The following PLEKHM2 variants were observed in gnomAD, a reference collection of about 807,000 sequenced individuals.
PLEKHM2 encodes the protein pleckstrin homology domain-containing family M member 2.
A neutral mutation model predicts 116.3 loss-of-function variants in PLEKHM2; 77 were observed. That is an observed-to-expected ratio of 0.66 (90% confidence interval 0.55 to 0.80). The LOEUF (loss-of-function observed/expected upper bound fraction) is 0.80. Among genes scored for constraint, PLEKHM2 ranks in the 30% least tolerant of loss-of-function variants. The pLI is 0.00. For synonymous variants in PLEKHM2, 562 were observed against 571.0 expected (o/e 0.98, Z 0.22); for missense variants, 1,183 against 1,354.9 (o/e 0.87, Z 1.99).
intron 3 of PLEKHM2, 137 bp from the exon 4 acceptor site, chr1:15,717,756 T>G (rs1641475218): frequency 4.8e-6 from 3 of 622,386 alleles, no homozygotes; most frequent in Non-Finnish European, 5.8e-6. Flanking sequence ...GGGGTTATGG[T>G]ACCCCACCAA....
chr1:15,703,190 G>A (rs948701010), intron 1 of PLEKHM2, among the ~76,000 whole-genome samples: 6 of 152,176 alleles, frequency 3.9e-5, no homozygotes, highest in Non-Finnish European at 7.3e-5. Context: ...CAGGAGAGTC[G>A]AACCTGCCAG....
rs534097881 is a variant in PLEKHM2 at position 15,725,626 on chromosome 1, G to A, written c.941+81G>A. The stretch of plus-strand genomic sequence containing the variant: ...TCCCAGCATCAGCTGTTCATCCAGG[G>A]CAGACCGGGACACCCCCTGAGGGCA... On this transcript the variant is annotated intron_variant, in intron 8 of 19. Transcript: ENST00000375799. 7.4e-3 allele frequency: 7,733 copies of A among 1,043,112 alleles called. 76 individuals are homozygous for A. Among genetic ancestry groups the A allele is most frequent in the Middle Eastern group, 0.018 (60 of 3,356 alleles). The allele number at this position is 1,043,112 out of a possible 1,614,324, so 64.6% of individuals were successfully genotyped here. A position where few individuals can be genotyped will look rare whatever the true frequency, so the allele number is the denominator to read the frequency against.
At chr1:15,709,953 CG>C (rs1557649443) in intron 1 of PLEKHM2, among the ~76,000 whole-genome samples, 1 of 152,014 alleles carries the variant, frequency 6.6e-6, no homozygotes, top group Non-Finnish European at 1.5e-5. Flanking sequence ...AAGCCGGGCG[CG>C]GTGGCTCATG....
Position 15,728,013 on chromosome 1 carries a change from G to C in PLEKHM2, c.1761-66G>C. Reference sequence around the variant, plus strand: ...CGGAGGCACTACCCCCTGGCTCTGGGGTGGGGTGTGGCCTCTCTCACCGCT... The same window carrying C: ...CGGAGGCACTACCCCCTGGCTCTGGCGTGGGGTGTGGCCTCTCTCACCGCT... On this transcript the variant is annotated intron_variant, in intron 9 of 19. Coordinates refer to ENST00000375799, the MANE Select transcript of PLEKHM2 (RefSeq NM_015164.4). This position sits in a 1 kb window ranked among gnomAD's most constrained non-coding sequence, Gnocchi z 5.9. The C allele has an allele frequency of 1.5e-6, 2 of 1,374,456 alleles. No homozygotes were observed. The highest frequency in any genetic ancestry group is 2.0e-6 in the Non-Finnish European group (2 of 980,504). 85.1% of individuals were successfully genotyped at this position (1,374,456 alleles called of 1,614,324 possible).
chr1:15,708,363 C>T (rs1476929684), intron 1 of PLEKHM2, among the ~76,000 whole-genome samples: 3 of 151,876 alleles, frequency 2.0e-5, no homozygotes, highest in African/African-American at 4.8e-5. Context: ...GCTACAGGTG[C>T]ACACCACCAC....
chr1:15,721,465 C>A lies in PLEKHM2; in HGVS notation c.712+77C>A. On this transcript the variant is annotated intron_variant, in intron 7 of 19. Transcript: ENST00000375799. The surrounding 1 kb of genome is among the most constrained non-coding windows in gnomAD (Gnocchi z 5.1). ...GCCAAGCTTGCTGCATGTATCAAAT[C>A]AGCTCCTTATTATTTATAATAATAT... 1.2e-6 allele frequency: 1 copy of A among 827,324 alleles called. No individual in the cohort carries two copies. The highest frequency in any genetic ancestry group is 2.0e-6 in the Non-Finnish European group (1 of 503,348). 51.2% of individuals were successfully genotyped at this position (827,324 alleles called of 1,614,324 possible).
Position 15,727,920 on chromosome 1 carries a change from T to A in PLEKHM2, c.1760+88T>A. 1 of 1,242,666 alleles carries A rather than the reference T, an allele frequency of 8.0e-7. No individual in the cohort carries two copies. The highest frequency in any genetic ancestry group is 1.1e-6 in the Non-Finnish European group (1 of 882,616). 77.0% of individuals were successfully genotyped at this position (1,242,666 alleles called of 1,614,324 possible). A position where few individuals can be genotyped will look rare whatever the true frequency, so the allele number is the denominator to read the frequency against. On this transcript the variant is annotated intron_variant, in intron 9 of 19. Coordinates refer to ENST00000375799, the MANE Select transcript of PLEKHM2 (RefSeq NM_015164.4). The surrounding 1 kb of genome is among the most constrained non-coding windows in gnomAD (Gnocchi z 7.5). Reference sequence around the variant, plus strand: ...TCTGACCTCCAGATAAATTAAGCACTAGGAAGACCTAGCCTGAGTGAGAAG... The same window carrying A: ...TCTGACCTCCAGATAAATTAAGCACAAGGAAGACCTAGCCTGAGTGAGAAG...
chr1:15,724,938 G>A (rs1240221164), intron 7 of PLEKHM2, among the ~76,000 whole-genome samples: 1 of 152,214 alleles, frequency 6.6e-6, no homozygotes, highest in Admixed American at 6.5e-5. Context: ...AACCTAAGAG[G>A]CGTGCAGCCT....
upstream of PLEKHM2, among the ~76,000 whole-genome samples, chr1:15,683,949 G>C (rs1640700991): frequency 6.7e-6 from 1 of 150,340 alleles, no homozygotes. Context: ...AGGAGGGCCG[G>C]GGTCCCAGGG....
intron 1 of PLEKHM2, among the ~76,000 whole-genome samples, chr1:15,707,081 G>A (rs949600780): frequency 2.0e-5 from 3 of 149,698 alleles, no homozygotes; most frequent in African/African-American, 5.1e-5. Context: ...CAGGCCATGC[G>A]GTCTCTGAGA....
intron 1 of PLEKHM2, among the ~76,000 whole-genome samples, chr1:15,693,514 GC>G (rs1244859697): frequency 6.6e-6 from 1 of 152,174 alleles, no homozygotes; most frequent in Non-Finnish European, 1.5e-5. Context: ...AGATTGAAAG[GC>G]CCTGTGTGAT....
intron 1 of PLEKHM2, among the ~76,000 whole-genome samples, chr1:15,713,941 G>GTT (rs566065077): frequency 2.3e-4 from 24 of 104,140 alleles, no homozygotes; most frequent in African/African-American, 5.7e-4. Flanking sequence ...GCCCAGCCCT[G>GTT]TTTTTTTTTT....
At chr1:15,722,845 G>T (rs7542762) in intron 7 of PLEKHM2, 1 of 151,306 alleles carries the variant, frequency 6.6e-6, no homozygotes, top group Admixed American at 6.6e-5. Context: ...TTTTCCCTCC[G>T]ATTCTAACAA....
At chr1:15,720,450 C>T (rs897478152) in intron 6 of PLEKHM2, 2 of 985,138 alleles carry the variant, frequency 2.0e-6, no homozygotes, top group Non-Finnish European at 1.2e-6. Flanking sequence ...TTGGGATGGT[C>T]GCACCCTTTG....
chr1:15,692,496 G>A lies in PLEKHM2; in HGVS notation c.60+7878G>A, dbSNP rs913753099. Among the ~76,000 whole-genome samples the A allele has an allele frequency of 2.6e-5, 4 of 152,218 alleles. No homozygotes were observed. In the East Asian group the frequency reaches 5.8e-4, roughly 22 times the overall value. On this transcript the variant is annotated intron_variant, in intron 1 of 19. Transcript: ENST00000375799. ...GTCCCTAACCCGGAAACCATGTCGT[G>A]CACAGAGGGATCCTGACCCCATGAG...
intron 19 of PLEKHM2, 141 bp from the exon 20 acceptor site, chr1:15,733,655 TG>T: frequency 1.1e-6 from 1 of 877,458 alleles, no homozygotes; most frequent in Non-Finnish European, 1.8e-6. Flanking sequence ...ACTAGCAGCG[TG>T]GAAGATGTTC....
intron 1 of PLEKHM2, among the ~76,000 whole-genome samples, chr1:15,693,028 C>T (rs1418034729): frequency 2.0e-5 from 3 of 148,678 alleles, no homozygotes; most frequent in South Asian, 2.1e-4. Context: ...CGCGAGCCAC[C>T]GTGCCTAGCC....
intron 1 of PLEKHM2, among the ~76,000 whole-genome samples, chr1:15,686,338 G>C (rs1288054507): frequency 6.6e-6 from 1 of 152,184 alleles, no homozygotes; most frequent in African/African-American, 2.4e-5. Flanking sequence ...CTGGAGTCCA[G>C]CTGCCTGATT....
At chr1:15,681,700 G>A, upstream of PLEKHM2, 1 of 425,546 alleles carries the variant, frequency 2.3e-6, no homozygotes, top group East Asian at 7.2e-5. Context: ...AACACCTTTG[G>A]TAAGTAGGAG....
Sources: allele counts gnomAD v4.1 joint callset (sites outside exome capture counted in the v4.1 genomes callset), GRCh38; gene constraint gnomAD v4.1.1; non-coding constraint Gnocchi (gnomAD v3.1); transcripts MANE v1.5; gene names NCBI Gene and HGNC (gene_info 2026-07-23, HGNC 2026-07-21).